The following PVT1 variants were observed in gnomAD, a reference collection of about 807,000 sequenced individuals.
The protein encoded by PVT1 is CXCR4/PVT1 fusion.
intron 5 of PVT1, among the ~76,000 whole-genome samples, chr8:128,074,455 G>A (rs1184383663): frequency 2.6e-5 from 4 of 151,604 alleles, no homozygotes; most frequent in South Asian, 2.1e-4. Flanking sequence ...GCCGGGAGGC[G>A]GAGGTTGCAG....
intron 4 of PVT1, among the ~76,000 whole-genome samples, chr8:128,029,632 T>C (rs1813364843): frequency 6.6e-6 from 1 of 152,106 alleles, no homozygotes; most frequent in Admixed American, 6.5e-5. Context: ...AAACACCGTC[T>C]TTACTAAAAA....
intron 2 of PVT1, among the ~76,000 whole-genome samples, chr8:127,861,821 C>T (rs1332730001): frequency 6.6e-6 from 1 of 152,206 alleles, no homozygotes; most frequent in Non-Finnish European, 1.5e-5. Context: ...TTGCCTGCTA[C>T]TGGTATTATT....
intron 2 of PVT1, among the ~76,000 whole-genome samples, chr8:127,799,609 G>A (rs1017136146): frequency 1.3e-5 from 2 of 152,086 alleles, no homozygotes; most frequent in African/African-American, 4.8e-5. Context: ...GGGAGCTGAG[G>A]AGTGTAGATC....
chr8:127,964,871 T>G (rs1185546119), intron 3 of PVT1, among the ~76,000 whole-genome samples: 1 of 152,362 alleles, frequency 6.6e-6, no homozygotes, highest in South Asian at 2.1e-4. Flanking sequence ...ATGTTCCCCT[T>G]GCAGCTCTCC....
intron 4 of PVT1, among the ~76,000 whole-genome samples, chr8:128,043,830 C>CTTTT (rs1158046188): frequency 2.6e-5 from 3 of 116,280 alleles, no homozygotes; most frequent in South Asian, 2.9e-4. Context: ...AACATCTTGT[C>CTTTT]TTTTTTTTTT....
At chr8:127,903,462 TTTG>T (rs1469348930) in intron 3 of PVT1, among the ~76,000 whole-genome samples, 1 of 152,216 alleles carries the variant, frequency 6.6e-6, no homozygotes, top group Non-Finnish European at 1.5e-5. Flanking sequence ...AATTTTTGTT[TTTG>T]TTGCAGTTGT....
chr8:127,858,792 A>ACACTTGAAG (rs1815188302), intron 2 of PVT1, among the ~76,000 whole-genome samples: 1 of 116,086 alleles, frequency 8.6e-6, no homozygotes, highest in Non-Finnish European at 1.9e-5. Flanking sequence ...CTTGTGGACT[A>ACACTTGAAG]CACTTGAAGA....
rs954437489 is a variant in PVT1 at position 127,904,863 on chromosome 8, A to T, written n.782+13865A>T. Among the ~76,000 whole-genome samples, 15 of 152,196 alleles carry T rather than the reference A, an allele frequency of 9.9e-5. 1 individual carries two copies. The highest frequency in any genetic ancestry group is 3.6e-4 in the African/African-American group (15 of 41,456). On this transcript the variant is annotated intron_variant and non_coding_transcript_variant, in intron 3 of 10. Transcript: ENST00000651587. ...AATTAGGAAGAATTTCTAGATGCTG[A>T]CAGCAGAGCTTTAAACCAAGCTCGG...
intron 4 of PVT1, among the ~76,000 whole-genome samples, chr8:127,993,452 A>G (rs563632315): frequency 1.3e-5 from 2 of 152,224 alleles, no homozygotes; most frequent in Non-Finnish European, 2.9e-5. Context: ...GATTATCATT[A>G]TGGTTTTGAG....
intron 2 of PVT1, among the ~76,000 whole-genome samples, chr8:127,839,992 C>A (rs529649962): frequency 1.3e-5 from 2 of 152,158 alleles, no homozygotes; most frequent in African/African-American, 2.4e-5. Context: ...GTTCTTGGAG[C>A]CCACAGGCAT....
At chr8:127,936,726 C>T (rs1434898492) in intron 3 of PVT1, among the ~76,000 whole-genome samples, 1 of 152,158 alleles carries the variant, frequency 6.6e-6, no homozygotes, top group African/African-American at 2.4e-5. Context: ...TGAGGGGTTG[C>T]TTGAGGGTGC....
intron 5 of PVT1, among the ~76,000 whole-genome samples, chr8:128,075,461 CT>C (rs1246551604): frequency 6.6e-6 from 1 of 151,676 alleles, no homozygotes; most frequent in Non-Finnish European, 1.5e-5. Context: ...AAAAAAAAAT[CT>C]TTTATTACGT....
intron 3 of PVT1, among the ~76,000 whole-genome samples, chr8:127,984,905 CTT>C (rs1318686782): frequency 5.1e-4 from 49 of 96,224 alleles, no homozygotes; most frequent in Admixed American, 1.2e-3. Context: ...TTCTTTCTTT[CTT>C]TCTTTCTTTC....
chr8:128,055,813 A>T (rs1346476961), intron 4 of PVT1, among the ~76,000 whole-genome samples: 1 of 152,176 alleles, frequency 6.6e-6, no homozygotes, highest in Admixed American at 6.5e-5. Context: ...TCTTTATGGT[A>T]GGTTGGGTAG....
intron 3 of PVT1, among the ~76,000 whole-genome samples, chr8:127,985,083 G>A (rs1816949572): frequency 6.8e-6 from 1 of 146,850 alleles, no homozygotes; most frequent in East Asian, 2.0e-4. Flanking sequence ...GCCGAGGCTG[G>A]AGTGTAGTGG....
intron 3 of PVT1, among the ~76,000 whole-genome samples, chr8:127,921,893 C>T (rs1437029702): frequency 1.1e-5 from 1 of 89,468 alleles, no homozygotes; most frequent in Non-Finnish European, 2.0e-5. Context: ...CAGAGTCTTG[C>T]TCTATCATCT....
intron 4 of PVT1, among the ~76,000 whole-genome samples, chr8:128,033,705 T>G (rs73710120): frequency 0.054 from 8,155 of 152,266 alleles, 707 homozygotes; most frequent in African/African-American, 0.18. Context: ...GAAACTGACT[T>G]GGGGCTCTGA....
chr8:127,838,414 A>G (rs1025963218), intron 2 of PVT1, among the ~76,000 whole-genome samples: 9 of 151,940 alleles, frequency 5.9e-5, no homozygotes, highest in African/African-American at 2.2e-4. Flanking sequence ...GGGGTCAAAA[A>G]CAAGGTCTAG....
chr8:127,856,104 G>T (rs566842275), intron 2 of PVT1, among the ~76,000 whole-genome samples: 1 of 152,212 alleles, frequency 6.6e-6, no homozygotes, highest in Non-Finnish European at 1.5e-5. Context: ...AGAAAAATGA[G>T]AGTGGGCATC....
Sources: gnomAD v4.1 joint callset for allele counts (sites outside exome capture counted in the v4.1 genomes callset) on GRCh38, gnomAD v4.1.1 for gene constraint, MANE v1.5 for transcripts, NCBI Gene and HGNC (gene_info 2026-07-23, HGNC 2026-07-21) for gene names.